The following ST3GAL6 variants were observed in gnomAD, a reference collection of about 807,000 sequenced individuals.
ST3GAL6 encodes ST3 beta-galactoside alpha-2,3-sialyltransferase 6.
A neutral mutation model predicts 40.5 loss-of-function variants in ST3GAL6; 31 were observed. That is an observed-to-expected ratio of 0.77 (90% CI 0.58 to 1.03). The LOEUF is 1.03. Among genes scored for constraint, ST3GAL6 ranks in the 50% least tolerant of loss-of-function variants. ST3GAL6 has a pLI of 0.00. For missense variants in ST3GAL6, 357 were observed against 393.2 expected (o/e 0.91, Z 0.78); for synonymous variants, 129 against 136.9 (o/e 0.94, Z 0.40).
Position 98,743,178 on chromosome 3 carries a change from T to TTGTG in ST3GAL6, c.-12+10658_-12+10661dup, listed in dbSNP as rs561008776. 6.1e-3 allele frequency among the ~76,000 whole-genome samples: 929 copies of TTGTG among 151,340 alleles called. 9 individuals carry two copies. Among genetic ancestry groups the TTGTG allele is most frequent in the Non-Finnish European group, 9.2e-3 (620 of 67,736 alleles). On this transcript the variant is annotated intron_variant, in intron 1 of 9. Coordinates refer to the ST3GAL6 transcript ENST00000265261. The stretch of plus-strand genomic sequence containing the variant: ...GTGAGCCACTATGCCTGGCTCATTT[T>TTGTG]TGTGTGTGTGTGTGTATTTTTCCTG...
intron 1 of ST3GAL6, among the ~76,000 whole-genome samples, chr3:98,754,125 A>G (rs1937239038): frequency 1.3e-5 from 2 of 152,236 alleles, no homozygotes; most frequent in South Asian, 4.1e-4. Flanking sequence ...TAGGGGTCAC[A>G]TAGATAGTGA....
In ST3GAL6 at chr3:98,795,290, T is replaced by TAAAG. The variant is rs1040694308; in HGVS notation, c.*1531_*1534dup. ...ATTACTGACAACCAACCTGCCTCTCTAAAGAGGGTGTATAAAGGGTGAAAT... is the reference window on the plus strand; with the variant it reads ...ATTACTGACAACCAACCTGCCTCTCTAAAGAAAGAGGGTGTATAAAGGGTGAAAT... On this transcript the variant is annotated 3_prime_UTR_variant, in exon 10 of 10. Transcript: ENST00000483910. 2 of 152,158 alleles carry TAAAG rather than the reference T, an allele frequency of 1.3e-5. No homozygotes were observed. Among genetic ancestry groups the TAAAG allele is most frequent in the Admixed American group, 1.3e-4 (2 of 15,272 alleles). 9.4% of individuals were successfully genotyped at this position (152,158 alleles called of 1,614,324 possible).
chr3:98,760,648 A>C (rs1184969943), upstream of ST3GAL6, among the ~76,000 whole-genome samples: 4 of 152,208 alleles, frequency 2.6e-5, no homozygotes, highest in African/African-American at 9.6e-5. Context: ...CCAGCATGCA[A>C]TATAACTGAG....
intron 1 of ST3GAL6, among the ~76,000 whole-genome samples, chr3:98,746,494 C>A (rs938218195): frequency 3.3e-5 from 5 of 151,920 alleles, no homozygotes; most frequent in African/African-American, 1.2e-4. Context: ...GAGAAATGCC[C>A]TTTGAATTTT....
upstream of ST3GAL6, among the ~76,000 whole-genome samples, chr3:98,759,825 A>G (rs1937603883): frequency 6.6e-6 from 1 of 152,226 alleles, no homozygotes; most frequent in South Asian, 2.1e-4. Flanking sequence ...ATGCAAGATA[A>G]GGTGTGTGTC....
At chr3:98,756,705 G>A (rs999140012) in intron 1 of ST3GAL6, among the ~76,000 whole-genome samples, 3 of 152,104 alleles carry the variant, frequency 2.0e-5, no homozygotes, top group African/African-American at 4.8e-5. Context: ...CAGCCTGGGG[G>A]CCTATAAGAC....
At chr3:98,789,986 C>A (rs1350627199) in intron 8 of ST3GAL6, among the ~76,000 whole-genome samples, 1 of 152,066 alleles carries the variant, frequency 6.6e-6, no homozygotes, top group African/African-American at 2.4e-5. Flanking sequence ...AAATAATAAA[C>A]CCTGGTTTTA....
intron 5 of ST3GAL6, among the ~76,000 whole-genome samples, chr3:98,781,774 G>C (rs1940150784): frequency 6.6e-6 from 1 of 152,174 alleles, no homozygotes; most frequent in Admixed American, 6.5e-5. Flanking sequence ...GATTAGACTA[G>C]ATACCATCTA....
intron 1 of ST3GAL6, among the ~76,000 whole-genome samples, chr3:98,733,759 C>CA (rs1156544268): frequency 1.3e-5 from 2 of 151,476 alleles, no homozygotes; most frequent in African/African-American, 4.8e-5. Context: ...GCCCAGAAAC[C>CA]AAAAACAAAC....
At chr3:98,737,550 C>G (rs562343291) in intron 1 of ST3GAL6, among the ~76,000 whole-genome samples, 1 of 152,286 alleles carries the variant, frequency 6.6e-6, no homozygotes, top group Non-Finnish European at 1.5e-5. Flanking sequence ...TCCTCTTGTC[C>G]TTTGATTTCA....
Position 98,794,203 on chromosome 3 carries a change from T to G in ST3GAL6, c.*442T>G, listed in dbSNP as rs1325406323. On this transcript the variant is annotated 3_prime_UTR_variant, in exon 10 of 10. Transcript: ENST00000483910. The stretch of plus-strand genomic sequence containing the variant: ...ATGTGGCAAGCCGAAACCACTTGGC[T>G]CTGGAAATCTAAGTTCATACTGGTT... 6.6e-6 allele frequency: 1 copy of G among 152,486 alleles called. No homozygotes were observed. The highest frequency in any genetic ancestry group is 1.9e-4 in the East Asian group (1 of 5,190). 9.4% of individuals were successfully genotyped at this position (152,486 alleles called of 1,614,324 possible). A position where few individuals can be genotyped will look rare whatever the true frequency, so the allele number is the denominator to read the frequency against.
rs1941459798 is a variant in ST3GAL6, at chr3:98,794,564, A to AAAG, written c.*808_*810dup. 6.6e-6 allele frequency: 1 copy of AAAG among 152,118 alleles called. No homozygotes were observed. The highest frequency in any genetic ancestry group is 2.4e-5 in the African/African-American group (1 of 41,420). 9.4% of individuals were successfully genotyped at this position (152,118 alleles called of 1,614,324 possible). A position where few individuals can be genotyped will look rare whatever the true frequency, so the allele number is the denominator to read the frequency against. ...CCACTTGAAGTAAATTAGGAAAGGT[A>AAAG]AAGAAGATAACAGAACAAGTAAACA... On this transcript the variant is annotated 3_prime_UTR_variant, in exon 10 of 10. Transcript: ENST00000483910.
chr3:98,757,830 T>G (rs1237408775), intron 1 of ST3GAL6, among the ~76,000 whole-genome samples: 2 of 152,114 alleles, frequency 1.3e-5, no homozygotes, highest in Non-Finnish European at 2.9e-5. Flanking sequence ...TAATTTTAAC[T>G]GCTTTTTTTT....
chr3:98,751,271 G>A (rs1005984236), intron 1 of ST3GAL6, among the ~76,000 whole-genome samples: 2 of 152,100 alleles, frequency 1.3e-5, no homozygotes, highest in Non-Finnish European at 2.9e-5. Flanking sequence ...TTAGTAATAA[G>A]TAATAGTGGA....
chr3:98,736,813 T>C (rs1461443639), intron 1 of ST3GAL6, among the ~76,000 whole-genome samples: 2 of 152,116 alleles, frequency 1.3e-5, no homozygotes, highest in Non-Finnish European at 2.9e-5. Context: ...ACATGAGGCA[T>C]GAGTGAATTT....
At chr3:98,762,822 C>T, upstream of ST3GAL6, 1 of 985,340 alleles carries the variant, frequency 1.0e-6, no homozygotes, top group Non-Finnish European at 1.2e-6. Context: ...GGGTATTAAA[C>T]ATATCTAGCA....
chr3:98,771,071 C>G (rs1440152), intron 3 of ST3GAL6, 115 bp downstream of exon 3: 627,556 of 1,469,414 alleles, frequency 0.43, 137,386 homozygotes, highest in Non-Finnish European at 0.45. Flanking sequence ...AAGTGGACAC[C>G]CCATATTTAA....
At chr3:98,790,460 TTAAC>T (rs1230402880) in intron 8 of ST3GAL6, among the ~76,000 whole-genome samples, 1 of 152,124 alleles carries the variant, frequency 6.6e-6, no homozygotes, top group Admixed American at 6.5e-5. Flanking sequence ...AAAATAAAGA[TTAAC>T]TAGTCAAATT....
At chr3:98,734,456 A>G (rs1935349464) in intron 1 of ST3GAL6, among the ~76,000 whole-genome samples, 1 of 152,190 alleles carries the variant, frequency 6.6e-6, no homozygotes, top group Admixed American at 6.5e-5. Flanking sequence ...AAAGTGTTGC[A>G]TTGGTCTGGT....
Sources: gnomAD v4.1 joint callset for allele counts (sites outside exome capture counted in the v4.1 genomes callset) on GRCh38, gnomAD v4.1.1 for gene constraint, MANE v1.5 for transcripts, NCBI Gene and HGNC (gene_info 2026-07-23, HGNC 2026-07-21) for gene names.